Variants in SGCZ observed in about 807,000 individuals in gnomAD.
SGCZ encodes zeta-sarcoglycan.
SGCZ carries 40 observed loss-of-function variants against 41.3 expected under a neutral mutation model. The observed-to-expected ratio is 0.97, with a 90% confidence interval of 0.75 to 1.26. The LOEUF is 1.26. Ranked by LOEUF, SGCZ falls within the 50% of genes most tolerant of loss-of-function variation. The pLI, the probability that SGCZ is intolerant of heterozygous loss-of-function variation, is 0.00. For synonymous variants in SGCZ, 206 were observed against 137.5 expected (o/e 1.50, Z -3.49); for missense variants, 552 against 369.8 (o/e 1.49, Z -4.04).
At chr8:14,380,853 T>C (rs974658797) in intron 2 of SGCZ, among the ~76,000 whole-genome samples, 6 of 151,990 alleles carry the variant, frequency 3.9e-5, no homozygotes, top group Non-Finnish European at 8.8e-5. Context: ...AGTGAGAGTC[T>C]GTCTCAAACA....
intron 2 of SGCZ, among the ~76,000 whole-genome samples, chr8:14,477,321 T>G: frequency 6.6e-6 from 1 of 152,198 alleles, no homozygotes; most frequent in East Asian, 1.9e-4. Context: ...AACTTTGAGA[T>G]ACTTACTTTG....
chr8:14,602,846 T>G (rs951740628), intron 1 of SGCZ, among the ~76,000 whole-genome samples: 14 of 152,292 alleles, frequency 9.2e-5, no homozygotes, highest in African/African-American at 3.1e-4. Context: ...GAAAGGACTG[T>G]GCTTCATAGG....
intron 4 of SGCZ, among the ~76,000 whole-genome samples, chr8:14,171,866 T>G (rs1249864274): frequency 2.0e-5 from 3 of 152,116 alleles, no homozygotes; most frequent in African/African-American, 7.2e-5. Context: ...AGTGGAAACA[T>G]GCTTTTAGTG....
intron 1 of SGCZ, among the ~76,000 whole-genome samples, chr8:15,179,482 C>A (rs1359467953): frequency 6.6e-6 from 1 of 152,128 alleles, no homozygotes; most frequent in Non-Finnish European, 1.5e-5. Context: ...TTTTCATGAT[C>A]TCAAGATGTT....
intron 1 of SGCZ, among the ~76,000 whole-genome samples, chr8:15,199,977 C>A (rs527543163): frequency 6.6e-6 from 1 of 152,244 alleles, no homozygotes; most frequent in African/African-American, 2.4e-5. Context: ...AATGATAGCA[C>A]CTTCAGATTA....
At chr8:15,217,274 G>C (rs1018745458) in intron 1 of SGCZ, among the ~76,000 whole-genome samples, 6 of 151,388 alleles carry the variant, frequency 4.0e-5, no homozygotes, top group African/African-American at 1.5e-4. Context: ...AAAATTAGCC[G>C]GGCGTGTTGG....
chr8:15,170,051 G>C (rs555695685), intron 1 of SGCZ, among the ~76,000 whole-genome samples: 24 of 152,310 alleles, frequency 1.6e-4, no homozygotes, highest in Non-Finnish European at 2.9e-4. Context: ...GGATAACTGA[G>C]TGGTTTATCA....
At chr8:14,486,507 C>T (rs1039252961) in intron 2 of SGCZ, among the ~76,000 whole-genome samples, 3 of 152,188 alleles carry the variant, frequency 2.0e-5, no homozygotes, top group Non-Finnish European at 2.9e-5. Flanking sequence ...TATTTGTAAA[C>T]ACTATGCTAC....
At chr8:14,658,217 C>G (rs1423858635) in intron 1 of SGCZ, among the ~76,000 whole-genome samples, 1 of 152,128 alleles carries the variant, frequency 6.6e-6, no homozygotes, top group Non-Finnish European at 1.5e-5. Flanking sequence ...CTTTGTTATA[C>G]CTCACACACA....
At chr8:14,567,977 C>G (rs1804430333) in intron 1 of SGCZ, among the ~76,000 whole-genome samples, 2 of 152,162 alleles carry the variant, frequency 1.3e-5, no homozygotes, top group South Asian at 4.1e-4. Flanking sequence ...CGCGAGGGTC[C>G]GCGGCTCCAT....
At chr8:14,670,434 A>G (rs1808066370) in intron 1 of SGCZ, among the ~76,000 whole-genome samples, 1 of 152,292 alleles carries the variant, frequency 6.6e-6, no homozygotes, top group South Asian at 2.1e-4. Context: ...GTATGTTTCA[A>G]GGTGCCTGGA....
chr8:14,185,211 T>G (rs1409520304), intron 4 of SGCZ, among the ~76,000 whole-genome samples: 2 of 151,872 alleles, frequency 1.3e-5, no homozygotes, highest in Non-Finnish European at 1.5e-5. Flanking sequence ...ACCATTCTGG[T>G]TAACATGGTG....
chr8:14,136,941 G>T (rs556864716), intron 5 of SGCZ, among the ~76,000 whole-genome samples: 11 of 152,168 alleles, frequency 7.2e-5, no homozygotes, highest in African/African-American at 1.4e-4. Flanking sequence ...CCTCTGAGAC[G>T]AAGCTTACAG....
intron 1 of SGCZ, among the ~76,000 whole-genome samples, chr8:15,144,748 C>T (rs150429882): frequency 2.0e-5 from 3 of 152,316 alleles, no homozygotes; most frequent in Non-Finnish European, 2.9e-5. Flanking sequence ...TGAGCAACGG[C>T]GCCCAGCCAA....
At chr8:14,878,499 TC>T in intron 1 of SGCZ, among the ~76,000 whole-genome samples, 1 of 152,286 alleles carries the variant, frequency 6.6e-6, no homozygotes, top group South Asian at 2.1e-4. Context: ...CCTTGGCCTG[TC>T]TTTTCTGATA....
At chr8:14,582,473 C>A (rs1308883541) in intron 1 of SGCZ, among the ~76,000 whole-genome samples, 2 of 152,042 alleles carry the variant, frequency 1.3e-5, no homozygotes, top group East Asian at 3.9e-4. Context: ...TATAAATCAG[C>A]TAAACTTCTG....
intron 1 of SGCZ, among the ~76,000 whole-genome samples, chr8:14,912,230 C>A (rs1050329530): frequency 6.6e-6 from 1 of 151,964 alleles, no homozygotes; most frequent in South Asian, 2.1e-4. Context: ...CATTAAGAGA[C>A]AGACCCACCT....
intron 1 of SGCZ, among the ~76,000 whole-genome samples, chr8:15,163,081 G>T (rs1411166591): frequency 6.6e-6 from 1 of 152,186 alleles, no homozygotes; most frequent in Non-Finnish European, 1.5e-5. Flanking sequence ...GATCACCAAA[G>T]AACTGGACGC....
intron 2 of SGCZ, among the ~76,000 whole-genome samples, chr8:14,416,038 AGG>A (rs1799484711): frequency 6.6e-6 from 1 of 151,968 alleles, no homozygotes; most frequent in Non-Finnish European, 1.5e-5. Flanking sequence ...TGAGTTAGTG[AGG>A]GCAACTTATG....
Sources: gnomAD v4.1 joint callset for allele counts (sites outside exome capture counted in the v4.1 genomes callset) on GRCh38, gnomAD v4.1.1 for gene constraint, MANE v1.5 for transcripts, NCBI Gene and HGNC (gene_info 2026-07-23, HGNC 2026-07-21) for gene names.